Variants in HSPA12A observed in about 807,000 individuals in gnomAD.
HSPA12A encodes the protein heat shock protein family A (Hsp70) member 12A, also known as heat shock 70 kDa protein 12A.
HSPA12A carries 28 observed loss-of-function variants against 69.2 expected under a neutral mutation model. That is an observed-to-expected ratio of 0.40 (90% CI 0.30 to 0.55). HSPA12A has a LOEUF of 0.55. Ranked by LOEUF, HSPA12A falls within the 20% of genes least tolerant of loss-of-function variation. The pLI is 0.38. For missense variants in HSPA12A, 686 were observed against 900.7 expected (o/e 0.76, Z 3.05); for synonymous variants, 345 against 370.5 (o/e 0.93, Z 0.79).
chr10:116,789,285 A>G (rs1377424864), intron 2 of HSPA12A, among the ~76,000 whole-genome samples: 2 of 152,128 alleles, frequency 1.3e-5, no homozygotes, highest in African/African-American at 4.8e-5. Context: ...AGCTTACAAA[A>G]ATATATTTAT....
chr10:116,680,235 C>A (rs1331593444), intron 9 of HSPA12A, among the ~76,000 whole-genome samples: 2 of 152,140 alleles, frequency 1.3e-5, no homozygotes, highest in African/African-American at 4.8e-5. Context: ...GGTGATCCAC[C>A]TGCCTTGGCC....
chr10:116,706,196 CTTTT>C (rs5788187), intron 2 of HSPA12A, among the ~76,000 whole-genome samples: 1 of 146,434 alleles, frequency 6.8e-6, no homozygotes. Context: ...CGCCTGGCCT[CTTTT>C]TTTTTTTTTA....
At chr10:116,721,834 C>A (rs1342407890) in intron 1 of HSPA12A, among the ~76,000 whole-genome samples, 1 of 152,220 alleles carries the variant, frequency 6.6e-6, no homozygotes, top group Non-Finnish European at 1.5e-5. Context: ...AATATTCACA[C>A]TCATCATCAT....
intron 2 of HSPA12A, chr10:116,831,711 AC>A: frequency 6.6e-6 from 1 of 152,344 alleles, no homozygotes; most frequent in East Asian, 1.9e-4. Flanking sequence ...TCCTCTGTTC[AC>A]AAGTCTTCAA....
upstream of HSPA12A, among the ~76,000 whole-genome samples, chr10:116,743,817 C>T (rs1851585657): frequency 6.6e-6 from 1 of 152,222 alleles, no homozygotes; most frequent in African/African-American, 2.4e-5. Flanking sequence ...TGTCTGCCTG[C>T]ATTAAAAATC....
intron 2 of HSPA12A, among the ~76,000 whole-genome samples, chr10:116,755,694 G>A (rs1843823339): frequency 1.3e-5 from 2 of 150,400 alleles, no homozygotes; most frequent in African/African-American, 4.9e-5. Flanking sequence ...GAGGCTAAGT[G>A]CAGTGGCTCA....
chr10:116,846,327 TTTTC>T (rs1422215965), intron 1 of HSPA12A, among the ~76,000 whole-genome samples: 2 of 150,308 alleles, frequency 1.3e-5, no homozygotes, highest in Admixed American at 6.6e-5. Flanking sequence ...GTAATTTTTC[TTTTC>T]TTTTTTTTTT....
At chr10:116,729,722 C>T (rs1219780722) in intron 1 of HSPA12A, among the ~76,000 whole-genome samples, 2 of 152,032 alleles carry the variant, frequency 1.3e-5, no homozygotes, top group Non-Finnish European at 2.9e-5. Context: ...ATAAGTGGAC[C>T]TGTGCAATTC....
chr10:116,760,157 A>G (rs1283369312), intron 2 of HSPA12A, among the ~76,000 whole-genome samples: 1 of 152,188 alleles, frequency 6.6e-6, no homozygotes, highest in Admixed American at 6.5e-5. Flanking sequence ...TGAGGCCCTC[A>G]GCCCAGGAAC....
In HSPA12A at chr10:116,675,014, C is replaced by T; in HGVS notation, c.1795G>A (p.Val599Ile). Reference sequence around the variant, plus strand: ...TGCTCAGAGCTGTAGATGTTGATGACAATGACCAGCTGGGAGGGCTTGGCC... The same window carrying T: ...TGCTCAGAGCTGTAGATGTTGATGATAATGACCAGCTGGGAGGGCTTGGCC... The part of the protein sequence containing the change: ...TPAKPSQLVI[V>I]INIYSSEHDN... The change falls in exon 12 of 12, where the codon GTC (valine) becomes ATC (isoleucine). Residue 599 changes from valine (V) to isoleucine (I), a missense_variant. Coordinates refer to ENST00000369209, the MANE Select transcript of HSPA12A (RefSeq NM_025015.3). This position sits in a 1 kb window ranked among gnomAD's most constrained non-coding sequence, Gnocchi z 5.2. 3.1e-6 allele frequency: 5 copies of T among 1,614,162 alleles called. No homozygotes were observed. The highest frequency in any genetic ancestry group is 4.2e-6 in the Non-Finnish European group (5 of 1,180,030).
At chr10:116,787,747 C>A (rs371923519) in intron 2 of HSPA12A, among the ~76,000 whole-genome samples, 4 of 152,300 alleles carry the variant, frequency 2.6e-5, no homozygotes, top group African/African-American at 4.8e-5. Flanking sequence ...TTTCCAAAAA[C>A]TTCAGAAGGT....
chr10:116,726,246 C>T (rs1451924309), intron 1 of HSPA12A, among the ~76,000 whole-genome samples: 2 of 152,062 alleles, frequency 1.3e-5, no homozygotes, highest in African/African-American at 4.8e-5. Context: ...GCACCCATGA[C>T]CAGCCATGAC....
At chr10:116,772,844 A>G (rs1182655268) in intron 2 of HSPA12A, among the ~76,000 whole-genome samples, 1 of 151,918 alleles carries the variant, frequency 6.6e-6, no homozygotes, top group Non-Finnish European at 1.5e-5. Context: ...GCAGGCACAC[A>G]CCACCACATC....
intron 2 of HSPA12A, among the ~76,000 whole-genome samples, chr10:116,771,404 C>G (rs992659358): frequency 2.0e-5 from 3 of 152,196 alleles, no homozygotes; most frequent in Non-Finnish European, 4.4e-5. Context: ...GTGAGCCCAC[C>G]AGCAAAGCCA....
rs59125202 is a variant in HSPA12A, at chr10:116,763,955, G to A, written c.92-56670C>T. On this transcript the variant is annotated intron_variant, in intron 2 of 12. Transcript: ENST00000635765. ...AGGACCATGGCGTTATTGGGGGGGC[G>A]GTCGGCAATGAGCCTCTCTCACTTC... is the stretch of plus-strand genomic sequence containing the variant. 4.7e-3 allele frequency among the ~76,000 whole-genome samples: 717 copies of A among 152,166 alleles called. 6 individuals are homozygous for A. The highest frequency in any genetic ancestry group is 0.016 in the African/African-American group (679 of 41,506).
intron 6 of HSPA12A, among the ~76,000 whole-genome samples, chr10:116,684,698 T>C (rs1248253596): frequency 1.2e-4 from 18 of 152,226 alleles, no homozygotes; most frequent in African/African-American, 4.1e-4. Flanking sequence ...CTTTAATAGT[T>C]TTATTATAGA....
intron 2 of HSPA12A, among the ~76,000 whole-genome samples, chr10:116,787,012 ACACACGCACG>A (rs1844592904): frequency 7.2e-6 from 1 of 138,522 alleles, no homozygotes; most frequent in South Asian, 2.4e-4. Context: ...ACACACATAC[ACACACGCACG>A]CACTCACACA....
chr10:116,771,699 A>G lies in HSPA12A; in HGVS notation c.91+63236T>C, dbSNP rs573716927. ...GGGGTGGATGAGAGGCAGTCCCTGC[A>G]GTTTCTCTCTGCAGTGGATGGAGGT... On this transcript the variant is annotated intron_variant, in intron 2 of 12. Coordinates refer to the HSPA12A transcript ENST00000635765. Among the ~76,000 whole-genome samples the G allele has an allele frequency of 3.9e-5, 6 of 152,324 alleles. No individual in the cohort carries two copies. In the East Asian group the frequency reaches 1.2e-3, roughly 29 times the overall value.
intron 2 of HSPA12A, among the ~76,000 whole-genome samples, chr10:116,772,310 CCCCCAGAG>C (rs1472684897): frequency 2.0e-5 from 3 of 152,094 alleles, no homozygotes; most frequent in Admixed American, 1.3e-4. Flanking sequence ...CCAGGACAGA[CCCCCAGAG>C]CCCCAGAGCC....
Sources: gnomAD v4.1 joint callset for allele counts (sites outside exome capture counted in the v4.1 genomes callset) on GRCh38, gnomAD v4.1.1 for gene constraint, Gnocchi (gnomAD v3.1) non-coding constraint, MANE v1.5 for transcripts, NCBI Gene and HGNC (gene_info 2026-07-23, HGNC 2026-07-21) for gene names.